Variants in ANO6 observed in about 807,000 individuals in gnomAD.
The protein encoded by ANO6 is anoctamin 6, also known as anoctamin-6.
Under a neutral mutation model 117.5 loss-of-function variants are expected in ANO6, and 106 were observed. The ratio of observed to expected loss-of-function variants is 0.90; its 90% CI spans 0.77 to 1.06. ANO6 has a LOEUF of 1.06. Ranked by LOEUF, ANO6 falls within the 50% of genes least tolerant of loss-of-function variation. The pLI, the probability that ANO6 is intolerant of heterozygous loss-of-function variation, is 0.00. For synonymous variants in ANO6, 367 were observed against 385.1 expected (o/e 0.95, Z 0.55); for missense variants, 955 against 1,121.1 (o/e 0.85, Z 2.12).
intron 9 of ANO6, among the ~76,000 whole-genome samples, chr12:45,368,393 A>G (rs923261740): frequency 3.3e-5 from 5 of 152,220 alleles, no homozygotes; most frequent in Admixed American, 3.3e-4. Context: ...TGCCAAAACT[A>G]TGCTTAGATT....
intron 8 of ANO6, among the ~76,000 whole-genome samples, chr12:45,360,221 T>C (rs2137483837): frequency 6.6e-6 from 1 of 152,334 alleles, no homozygotes; most frequent in Middle Eastern, 3.4e-3. Context: ...GACCAGGTAA[T>C]TTGTAAAGAA....
chr12:45,385,835 G>A (rs1408966456), intron 10 of ANO6, among the ~76,000 whole-genome samples: 1 of 152,128 alleles, frequency 6.6e-6, no homozygotes, highest in Non-Finnish European at 1.5e-5. Flanking sequence ...TAACTTACTG[G>A]AAAAGTAGTA....
At position 45,308,776 on chromosome 12, in the gene ANO6, C is replaced by T. The variant is rs73101619; in HGVS notation, c.150+6683C>T. On this transcript the variant is annotated intron_variant, in intron 2 of 19. Transcript: ENST00000320560. ...GGGCTGATGATCCTGAATTTATAGT[C>T]CTACCACACTGCCCTGCTGTGTGGC... Among the ~76,000 whole-genome samples, 1,443 of 152,218 alleles carry T rather than the reference C, an allele frequency of 9.5e-3. 11 individuals are homozygous for T. The highest frequency in any genetic ancestry group is 0.017 in the Non-Finnish European group (1,131 of 67,988).
At chr12:45,364,897 A>C (rs1466045624) in intron 8 of ANO6, among the ~76,000 whole-genome samples, 1 of 152,214 alleles carries the variant, frequency 6.6e-6, no homozygotes, top group Non-Finnish European at 1.5e-5. Flanking sequence ...ATAATGTAGC[A>C]AATCTGGAAA....
chr12:45,424,327 GT>G (rs66945216), intron 19 of ANO6, among the ~76,000 whole-genome samples: 975 of 81,172 alleles, frequency 0.012, 13 homozygotes, highest in East Asian at 0.033. Flanking sequence ...TAGGTGATGG[GT>G]TTTTTTTTTT....
intron 2 of ANO6, among the ~76,000 whole-genome samples, chr12:45,319,127 C>T (rs1940161965): frequency 6.6e-6 from 1 of 152,150 alleles, no homozygotes. Flanking sequence ...TGCCTGATTG[C>T]CCTGGCCAGA....
chr12:45,317,492 G>C (rs1490454592), intron 2 of ANO6, among the ~76,000 whole-genome samples: 3 of 151,650 alleles, frequency 2.0e-5, no homozygotes, highest in Non-Finnish European at 4.4e-5. Context: ...TGGTGTATAT[G>C]TGCCACATTT....
intron 10 of ANO6, among the ~76,000 whole-genome samples, chr12:45,385,645 A>G (rs891400152): frequency 6.6e-6 from 1 of 152,152 alleles, no homozygotes; most frequent in Non-Finnish European, 1.5e-5. Context: ...GTCAGTCCAC[A>G]AAAGGACATG....
At chr12:45,218,222 G>A (rs780971589) in intron 1 of ANO6, among the ~76,000 whole-genome samples, 10 of 151,808 alleles carry the variant, frequency 6.6e-5, no homozygotes, top group Non-Finnish European at 1.3e-4. Context: ...TATTCCTGTG[G>A]GGCCCTGGGG....
chr12:45,230,123 T>G (rs1390093057), intron 1 of ANO6, among the ~76,000 whole-genome samples: 2 of 152,138 alleles, frequency 1.3e-5, no homozygotes, highest in Non-Finnish European at 2.9e-5. Context: ...TTCCTTCCAC[T>G]TATACAGCTC....
chr12:45,397,245 C>G (rs1942642779), intron 12 of ANO6, among the ~76,000 whole-genome samples: 1 of 152,206 alleles, frequency 6.6e-6, no homozygotes, highest in East Asian at 1.9e-4. Flanking sequence ...AAATGCTCAT[C>G]ATCATTGGTC....
chr12:45,242,429 A>G (rs1397883515), intron 1 of ANO6, among the ~76,000 whole-genome samples: 1 of 152,268 alleles, frequency 6.6e-6, no homozygotes, highest in African/African-American at 2.4e-5. Flanking sequence ...GACCATGGGA[A>G]AAGCACAGTA....
chr12:45,355,117 C>T (rs954936435), intron 7 of ANO6, among the ~76,000 whole-genome samples: 1 of 152,134 alleles, frequency 6.6e-6, no homozygotes, highest in African/African-American at 2.4e-5. Flanking sequence ...CTTTTTATAA[C>T]CAGCCTTCTA....
intron 1 of ANO6, among the ~76,000 whole-genome samples, chr12:45,288,245 T>A (rs1235510950): frequency 5.3e-5 from 8 of 152,234 alleles, no homozygotes; most frequent in Non-Finnish European, 1.2e-4. Flanking sequence ...ACACATAATC[T>A]AAAACTTACC....
At chr12:45,223,170 A>C (rs1947431448) in intron 1 of ANO6, among the ~76,000 whole-genome samples, 1 of 152,234 alleles carries the variant, frequency 6.6e-6, no homozygotes, top group Non-Finnish European at 1.5e-5. Flanking sequence ...AAATTAATGG[A>C]ACCCAAGGAG....
chr12:45,348,852 G>A (rs931700370), intron 6 of ANO6, among the ~76,000 whole-genome samples: 1 of 152,180 alleles, frequency 6.6e-6, no homozygotes, highest in Non-Finnish European at 1.5e-5. Context: ...TGAATGAATG[G>A]ACAGGACCTC....
chr12:45,271,365 T>C (rs1002945006), intron 1 of ANO6, among the ~76,000 whole-genome samples: 1 of 152,170 alleles, frequency 6.6e-6, no homozygotes, highest in Non-Finnish European at 1.5e-5. Flanking sequence ...CAAAAGTAAA[T>C]GATGCTATTT....
chr12:45,231,430 A>T (rs1388269654), intron 1 of ANO6, among the ~76,000 whole-genome samples: 1 of 152,246 alleles, frequency 6.6e-6, no homozygotes, highest in African/African-American at 2.4e-5. Context: ...CTTCAGCATT[A>T]TCAGACCTAA....
intron 3 of ANO6, among the ~76,000 whole-genome samples, chr12:45,338,736 T>C (rs755107063): frequency 1.2e-4 from 19 of 152,032 alleles, no homozygotes; most frequent in South Asian, 6.2e-4. Context: ...GCACATTTGG[T>C]TTTATTTTTG....
Sources: allele counts gnomAD v4.1 joint callset (sites outside exome capture counted in the v4.1 genomes callset), GRCh38; gene constraint gnomAD v4.1.1; transcripts MANE v1.5; gene names NCBI Gene and HGNC (gene_info 2026-07-23, HGNC 2026-07-21).